The following KIAA1217 variants were observed in gnomAD, a reference collection of about 807,000 sequenced individuals.
The protein encoded by KIAA1217 is KIAA1217, also known as sickle tail protein homolog.
Under a neutral mutation model 163.9 loss-of-function variants are expected in KIAA1217, and 88 were observed. That is an observed-to-expected ratio of 0.54 (90% CI 0.45 to 0.64). The LOEUF (loss-of-function observed/expected upper bound fraction) is 0.64, where lower values mean the gene tolerates loss of function less well. Among genes scored for constraint, KIAA1217 ranks in the 30% least tolerant of loss-of-function variants. KIAA1217 has a pLI of 0.00. For synonymous variants in KIAA1217, 903 were observed against 923.1 expected (o/e 0.98, Z 0.39); for missense variants, 2,372 against 2,475.0 (o/e 0.96, Z 0.88).
At chr10:24,443,597 G>A (rs1420034801) in intron 5 of KIAA1217, among the ~76,000 whole-genome samples, 1 of 151,974 alleles carries the variant, frequency 6.6e-6, no homozygotes, top group African/African-American at 2.4e-5. Flanking sequence ...TAAGTTTCTC[G>A]GGGGTCTTCT....
At chr10:23,984,754 G>A (rs1410680818) in intron 1 of KIAA1217, among the ~76,000 whole-genome samples, 2 of 151,196 alleles carry the variant, frequency 1.3e-5, no homozygotes, top group Admixed American at 6.6e-5. Context: ...ACACACTGGG[G>A]CCTGTCAGGG....
intron 1 of KIAA1217, among the ~76,000 whole-genome samples, chr10:23,860,048 C>A (rs191574585): frequency 2.6e-5 from 4 of 152,030 alleles, no homozygotes; most frequent in African/African-American, 9.7e-5. Context: ...GGGCTGAGAG[C>A]GAGCAGGAAT....
intron 2 of KIAA1217, among the ~76,000 whole-genome samples, chr10:24,169,570 T>C (rs2065523738): frequency 1.3e-5 from 2 of 152,194 alleles, no homozygotes; most frequent in South Asian, 4.1e-4. Context: ...AAATTAAAAA[T>C]TCATGATGAA....
At position 23,803,475 on chromosome 10, in the gene KIAA1217, C is replaced by G. The variant is rs557154153; in HGVS notation, c.-321+108241C>G. On this transcript the variant is annotated intron_variant, in intron 1 of 18. Coordinates refer to the KIAA1217 transcript ENST00000376462. ...GACATCTCTGAAAGGGCATCTCAGC[C>G]CCATCGCTTCTTATGAGATCGGCTG... Among the ~76,000 whole-genome samples the G allele has an allele frequency of 2.6e-4, 40 of 152,288 alleles. 1 individual carries two copies. The highest frequency in any genetic ancestry group is 9.6e-4 in the African/African-American group (40 of 41,570).
Position 23,790,529 on chromosome 10 carries a change from A to G in KIAA1217, c.-321+95295A>G, listed in dbSNP as rs147902675. 5.5e-4 allele frequency among the ~76,000 whole-genome samples: 58 copies of G among 104,620 alleles called. 8 individuals carry two copies. The highest frequency in any genetic ancestry group is 2.7e-3 in the African/African-American group (46 of 16,954). 68.6% of individuals were successfully genotyped at this position (104,620 alleles called of 152,430 possible). A position where few individuals can be genotyped will look rare whatever the true frequency, so the allele number is the denominator to read the frequency against. ...TATATACATATGTATATATACATAT[A>G]TACATATACATGTGCATATATACAT... On this transcript the variant is annotated intron_variant, in intron 1 of 18. Transcript: ENST00000376462.
chr10:24,339,580 C>T (rs1385285594), intron 2 of KIAA1217, among the ~76,000 whole-genome samples: 1 of 152,158 alleles, frequency 6.6e-6, no homozygotes. Context: ...CCACTGTGAG[C>T]CAGGAACTAG....
intron 17 of KIAA1217, among the ~76,000 whole-genome samples, chr10:24,542,224 A>C (rs1332044749): frequency 2.0e-5 from 3 of 152,246 alleles, no homozygotes; most frequent in African/African-American, 7.2e-5. Context: ...CTGGTTCCTA[A>C]GTTTATAGGC....
intron 1 of KIAA1217, among the ~76,000 whole-genome samples, chr10:23,793,738 T>C (rs757602439): frequency 1.3e-4 from 20 of 152,276 alleles, no homozygotes; most frequent in African/African-American, 4.6e-4. Flanking sequence ...CTGTAACTGC[T>C]GCTACAGCCG....
intron 1 of KIAA1217, among the ~76,000 whole-genome samples, chr10:23,741,480 G>A (rs1168343394): frequency 6.6e-6 from 1 of 152,134 alleles, no homozygotes; most frequent in Non-Finnish European, 1.5e-5. Flanking sequence ...TCAGGTCAAG[G>A]CAAGGGAAAT....
intron 2 of KIAA1217, among the ~76,000 whole-genome samples, chr10:24,225,829 A>G (rs1261286535): frequency 6.6e-6 from 1 of 152,232 alleles, no homozygotes; most frequent in East Asian, 1.9e-4. Context: ...TTCTGGAGGT[A>G]GAAACCTTGT....
At chr10:23,832,256 T>C (rs529898945) in intron 1 of KIAA1217, among the ~76,000 whole-genome samples, 1 of 152,188 alleles carries the variant, frequency 6.6e-6, no homozygotes, top group South Asian at 2.1e-4. Context: ...GGAAACACAA[T>C]TACTGGTCTA....
intron 1 of KIAA1217, among the ~76,000 whole-genome samples, chr10:23,709,549 TAAAG>T (rs1218126772): frequency 2.0e-5 from 3 of 150,714 alleles, no homozygotes; most frequent in East Asian, 2.0e-4. Context: ...AAAAAAAAAA[TAAAG>T]AAATAGAAAC....
chr10:24,366,043 T>C (rs2050735982), intron 2 of KIAA1217, among the ~76,000 whole-genome samples: 1 of 152,170 alleles, frequency 6.6e-6, no homozygotes, highest in Non-Finnish European at 1.5e-5. Flanking sequence ...CACTGGCAGA[T>C]ATTGGGCACA....
chr10:24,435,199 A>G (rs1357979954), intron 4 of KIAA1217, among the ~76,000 whole-genome samples: 2 of 152,236 alleles, frequency 1.3e-5, no homozygotes, highest in Non-Finnish European at 2.9e-5. Context: ...CTCAAGGTAT[A>G]GATACTACAT....
chr10:23,776,278 T>A (rs1323745721), intron 1 of KIAA1217, among the ~76,000 whole-genome samples: 1 of 152,012 alleles, frequency 6.6e-6, no homozygotes, highest in Non-Finnish European at 1.5e-5. Flanking sequence ...AGTTTATAAC[T>A]TAATTCCTTT....
intron 1 of KIAA1217, among the ~76,000 whole-genome samples, chr10:23,804,294 A>G (rs1358897473): frequency 6.6e-6 from 1 of 152,202 alleles, no homozygotes; most frequent in East Asian, 1.9e-4. Context: ...GTGCTATGAA[A>G]AGCTGCCAAG....
At chr10:24,452,741 C>T (rs1417901187) in intron 5 of KIAA1217, among the ~76,000 whole-genome samples, 1 of 150,590 alleles carries the variant, frequency 6.6e-6, no homozygotes, top group Non-Finnish European at 1.5e-5. Flanking sequence ...CAACAGAATG[C>T]CTATAGTCAA....
intron 1 of KIAA1217, among the ~76,000 whole-genome samples, chr10:23,718,686 T>C (rs913381958): frequency 9.9e-5 from 15 of 151,980 alleles, no homozygotes; most frequent in African/African-American, 2.9e-4. Context: ...ACATAAGTGA[T>C]AGGATTTCTC....
At chr10:23,749,700 C>T (rs932983505) in intron 1 of KIAA1217, among the ~76,000 whole-genome samples, 8 of 152,288 alleles carry the variant, frequency 5.3e-5, no homozygotes, top group East Asian at 1.9e-4. Flanking sequence ...CCACCTCGCC[C>T]GGCATTTTGA....
Sources: gnomAD v4.1 joint callset for allele counts (sites outside exome capture counted in the v4.1 genomes callset) on GRCh38, gnomAD v4.1.1 for gene constraint, MANE v1.5 for transcripts, NCBI Gene and HGNC (gene_info 2026-07-23, HGNC 2026-07-21) for gene names.